EPHA5: variants seen among roughly 807,000 people sequenced by gnomAD.
EPHA5 encodes EPH receptor A5, also known as ephrin type-A receptor 5.
Under a neutral mutation model 105.0 loss-of-function variants are expected in EPHA5, and 60 were observed. The ratio of observed to expected loss-of-function variants is 0.57; its 90% CI spans 0.46 to 0.71. The LOEUF (loss-of-function observed/expected upper bound fraction) is 0.71, where lower values mean the gene tolerates loss of function less well. Among genes scored for constraint, EPHA5 ranks in the 30% least tolerant of loss-of-function variants. The probability of loss-of-function intolerance (pLI) is 0.00; values close to 1 mark genes in which losing one functional copy is unlikely to be tolerated. For missense variants in EPHA5, 1,218 were observed against 1,274.7 expected (o/e 0.96, Z 0.68); for synonymous variants, 513 against 449.1 (o/e 1.14, Z -1.80).
intron 5 of EPHA5, among the ~76,000 whole-genome samples, chr4:65,484,657 G>A (rs999347247): frequency 1.3e-5 from 2 of 151,960 alleles, no homozygotes; most frequent in African/African-American, 4.8e-5. Context: ...TTGTAATTTT[G>A]GTTTTCTGGT....
chr4:65,419,420 T>C (rs1488861529), intron 6 of EPHA5, among the ~76,000 whole-genome samples: 3 of 152,186 alleles, frequency 2.0e-5, no homozygotes, highest in African/African-American at 7.2e-5. Flanking sequence ...TCTGTGAGTC[T>C]GGAAAAGCAA....
In EPHA5 at chr4:65,320,350, CAGG is replaced by C. The variant is rs1719543793; in HGVS notation, c.*3761_*3763del. 1 of 229,990 alleles carries C rather than the reference CAGG, an allele frequency of 4.3e-6. No homozygotes were observed. Among genetic ancestry groups the C allele is most frequent in the Non-Finnish European group, 8.6e-6 (1 of 116,196 alleles). The allele number at this position is 229,990 out of a possible 1,614,324, so 14.2% of individuals were successfully genotyped here. On this transcript the variant is annotated 3_prime_UTR_variant, in exon 17 of 17. Transcript: ENST00000613740. ...TCATCATCATCATCATCATCATCAT[CAGG>C]ATCATCATCATATTGTACCTACTTT...
chr4:65,416,713 T>A (rs1021671167), intron 6 of EPHA5, among the ~76,000 whole-genome samples: 4 of 152,178 alleles, frequency 2.6e-5, no homozygotes, highest in Non-Finnish European at 4.4e-5. Flanking sequence ...TATGTCTCAG[T>A]TGTTCCTTAG....
chr4:65,526,397 C>T (rs1329942569), intron 3 of EPHA5, among the ~76,000 whole-genome samples: 1 of 151,614 alleles, frequency 6.6e-6, no homozygotes, highest in Non-Finnish European at 1.5e-5. Context: ...GAAAATGTTC[C>T]AGCCTCATAT....
At chr4:65,515,196 C>T (rs1339449601) in intron 3 of EPHA5, among the ~76,000 whole-genome samples, 1 of 152,160 alleles carries the variant, frequency 6.6e-6, no homozygotes, top group Non-Finnish European at 1.5e-5. Context: ...CTTTACACCT[C>T]TGTCACTTTA....
At chr4:65,645,113 A>G (rs984821184) in intron 1 of EPHA5, among the ~76,000 whole-genome samples, 5 of 152,046 alleles carry the variant, frequency 3.3e-5, no homozygotes, top group Non-Finnish European at 5.9e-5. Context: ...CACTCACTAC[A>G]TCTAATTTTT....
intron 1 of EPHA5, among the ~76,000 whole-genome samples, chr4:65,662,253 C>T (rs1364119396): frequency 2.0e-5 from 3 of 152,128 alleles, no homozygotes; most frequent in Non-Finnish European, 2.9e-5. Context: ...TCTTCCAATA[C>T]TTAGCCTGAA....
In EPHA5 at chr4:65,418,862, C is replaced by CTT. The variant is rs575608289; in HGVS notation, c.1527+1577_1527+1578dup. 7.4e-3 allele frequency among the ~76,000 whole-genome samples: 346 copies of CTT among 47,064 alleles called. 40 individuals carry two copies. Among genetic ancestry groups the CTT allele is most frequent in the Middle Eastern group, 0.028 (1 of 36 alleles). The allele number at this position is 47,064 out of a possible 152,430, so 30.9% of individuals were successfully genotyped here. A position where few individuals can be genotyped will look rare whatever the true frequency, so the allele number is the denominator to read the frequency against. On this transcript the variant is annotated intron_variant, in intron 6 of 16. Coordinates refer to ENST00000613740, the MANE Select transcript of EPHA5 (RefSeq NM_001281766.3). ...AACATTCAATACACTTACCTAAACT[C>CTT]TTTTTTTTTTTTTTTTTTTTTTTTT...
chr4:65,639,783 C>A (rs1243115660), intron 2 of EPHA5, among the ~76,000 whole-genome samples: 4 of 152,122 alleles, frequency 2.6e-5, no homozygotes, highest in African/African-American at 9.7e-5. Flanking sequence ...TCTTTCTGTT[C>A]CTCAGATTTG....
intron 5 of EPHA5, among the ~76,000 whole-genome samples, chr4:65,427,944 C>T (rs1724606175): frequency 6.6e-6 from 1 of 152,080 alleles, no homozygotes; most frequent in Non-Finnish European, 1.5e-5. Context: ...CTGCCTCCCA[C>T]AGACTACATA....
chr4:65,581,715 T>C (rs1328785027), intron 3 of EPHA5, among the ~76,000 whole-genome samples: 1 of 151,788 alleles, frequency 6.6e-6, no homozygotes, highest in Non-Finnish European at 1.5e-5. Flanking sequence ...TTTACTTCCT[T>C]AAATAAAATA....
At chr4:65,355,083 C>T (rs1384789634) in intron 11 of EPHA5, among the ~76,000 whole-genome samples, 4 of 151,668 alleles carry the variant, frequency 2.6e-5, no homozygotes, top group African/African-American at 9.7e-5. Flanking sequence ...TTAATCTGCA[C>T]CTTGAAGAGT....
chr4:65,328,022 T>C (rs1179502831), intron 16 of EPHA5, among the ~76,000 whole-genome samples: 1 of 151,180 alleles, frequency 6.6e-6, no homozygotes. Context: ...GGTATGCATT[T>C]TTTAATTTCA....
At chr4:65,376,097 C>T (rs1718974630) in intron 8 of EPHA5, among the ~76,000 whole-genome samples, 1 of 151,974 alleles carries the variant, frequency 6.6e-6, no homozygotes, top group Non-Finnish European at 1.5e-5. Context: ...CACTCATTCA[C>T]ACATAATTTT....
chr4:65,601,596 CAACTG>C (rs778004419), intron 3 of EPHA5, 40 bp downstream of exon 3: 1 of 1,561,908 alleles, frequency 6.4e-7, no homozygotes, highest in South Asian at 1.2e-5. Flanking sequence ...ATACATGATC[CAACTG>C]AAGCAGACAG....
rs1265383335 is a variant in EPHA5, at chr4:65,461,716, AT to A, written c.1402+28660del. ...TGCAACCTCAGAAGTAAAATGACAC[AT>A]TTAATGGGTACAGCAAAACTTCATT... is the stretch of plus-strand genomic sequence containing the variant. On this transcript the variant is annotated intron_variant, in intron 5 of 16. Coordinates refer to ENST00000613740, the MANE Select transcript of EPHA5 (RefSeq NM_001281766.3). 2.0e-5 allele frequency among the ~76,000 whole-genome samples: 3 copies of A among 152,088 alleles called. No homozygotes were observed. The South Asian group carries it at 6.2e-4, about 31-fold the overall frequency.
At chr4:65,392,099 T>A (rs570128766) in intron 8 of EPHA5, among the ~76,000 whole-genome samples, 8 of 152,252 alleles carry the variant, frequency 5.3e-5, no homozygotes, top group African/African-American at 1.9e-4. Flanking sequence ...GGGCAATTAG[T>A]TGTTGCTATG....
chr4:65,523,134 A>G (rs1214372098), intron 3 of EPHA5, among the ~76,000 whole-genome samples: 1 of 151,978 alleles, frequency 6.6e-6, no homozygotes, highest in East Asian at 1.9e-4. Context: ...TATTTAATGT[A>G]TGTTTAATAT....
At chr4:65,419,882 TAA>T (rs1222349029) in intron 6 of EPHA5, among the ~76,000 whole-genome samples, 24 of 152,184 alleles carry the variant, frequency 1.6e-4, no homozygotes, top group Admixed American at 1.6e-3. Context: ...AAAGTGGCTA[TAA>T]GAGACTCAGA....
Sources: gnomAD v4.1 joint callset for allele counts (sites outside exome capture counted in the v4.1 genomes callset) on GRCh38, gnomAD v4.1.1 for gene constraint, MANE v1.5 for transcripts, NCBI Gene and HGNC (gene_info 2026-07-23, HGNC 2026-07-21) for gene names.